The following BTBD10 variants were observed in gnomAD, a reference collection of about 807,000 sequenced individuals.
BTBD10 encodes BTB domain containing 10.
Under a neutral mutation model 53.2 loss-of-function variants are expected in BTBD10, and 21 were observed. That is an observed-to-expected ratio of 0.39 (90% CI 0.28 to 0.57). The LOEUF is 0.57. Among genes scored for constraint, BTBD10 ranks in the 20% least tolerant of loss-of-function variants. The pLI is 0.53. For synonymous variants in BTBD10, 149 were observed against 192.7 expected, an observed-to-expected ratio of 0.77 and a Z score of 1.88; for missense variants, 360 against 594.7, an observed-to-expected ratio of 0.61 and a Z score of 4.10.
At chr11:13,413,681 A>C (rs749161845) in intron 5 of BTBD10, 31 bp from the exon 6 acceptor site, 1 of 1,595,580 alleles carries the variant, frequency 6.3e-7, no homozygotes, top group African/African-American at 1.3e-5. Context: ...AAAGCATAAA[A>C]TATCTGGAGC....
At chr11:13,435,033 T>C (rs907076182) in intron 2 of BTBD10, among the ~76,000 whole-genome samples, 1 of 152,238 alleles carries the variant, frequency 6.6e-6, no homozygotes, top group Non-Finnish European at 1.5e-5. Flanking sequence ...AGATGCTTAT[T>C]ACACATCTGT....
chr11:13,427,512 A>G (rs1950363842), intron 2 of BTBD10, among the ~76,000 whole-genome samples: 1 of 152,188 alleles, frequency 6.6e-6, no homozygotes, highest in Admixed American at 6.5e-5. Context: ...AGAACTAGAC[A>G]ATTCCACAAT....
intron 2 of BTBD10, among the ~76,000 whole-genome samples, chr11:13,425,919 T>C (rs1294185069): frequency 6.6e-6 from 1 of 152,042 alleles, no homozygotes; most frequent in Non-Finnish European, 1.5e-5. Flanking sequence ...ATGGAATTAA[T>C]GGGAGATTAC....
At chr11:13,417,456 G>A (rs1347635780) in intron 4 of BTBD10, among the ~76,000 whole-genome samples, 196 bp from the exon 5 acceptor site, 3 of 152,144 alleles carry the variant, frequency 2.0e-5, no homozygotes, top group Non-Finnish European at 4.4e-5. Context: ...GGGAACACTA[G>A]TATAGATTTC....
chr11:13,411,596 TA>T (rs933183945), intron 6 of BTBD10, among the ~76,000 whole-genome samples: 26 of 152,286 alleles, frequency 1.7e-4, no homozygotes, highest in African/African-American at 5.8e-4. Context: ...ATAAAACCCT[TA>T]CTTTTAATCT....
chr11:13,440,647 G>A (rs1200181003), intron 2 of BTBD10, among the ~76,000 whole-genome samples: 1 of 152,124 alleles, frequency 6.6e-6, no homozygotes, highest in Non-Finnish European at 1.5e-5. Context: ...AGGGAAACTG[G>A]AATGTTCAGA....
At chr11:13,423,857 A>AC (rs1950288020) in intron 2 of BTBD10, among the ~76,000 whole-genome samples, 3 of 152,132 alleles carry the variant, frequency 2.0e-5, no homozygotes, top group South Asian at 4.1e-4. Context: ...AATAAAGGCA[A>AC]CCTAACAGCC....
At chr11:13,406,615 CAGTGTG>C (rs1018432025) in intron 6 of BTBD10, among the ~76,000 whole-genome samples, 2 of 64,588 alleles carry the variant, frequency 3.1e-5, no homozygotes, top group African/African-American at 4.4e-5. Flanking sequence ...GAGAGAGAGA[CAGTGTG>C]TGTGTGTGTG....
At chr11:13,427,762 T>A (rs1380519324) in intron 2 of BTBD10, among the ~76,000 whole-genome samples, 1 of 152,160 alleles carries the variant, frequency 6.6e-6, no homozygotes, top group Non-Finnish European at 1.5e-5. Context: ...AAGAATTTAA[T>A]CATACAAAGT....
intron 1 of BTBD10, among the ~76,000 whole-genome samples, chr11:13,454,416 T>A (rs1276986000): frequency 6.6e-6 from 1 of 152,238 alleles, no homozygotes; most frequent in Non-Finnish European, 1.5e-5. Flanking sequence ...ATGTGCCTAT[T>A]TAAATCTCAC....
intron 5 of BTBD10, among the ~76,000 whole-genome samples, chr11:13,416,471 A>C (rs1012531093): frequency 6.6e-6 from 1 of 152,226 alleles, no homozygotes; most frequent in Non-Finnish European, 1.5e-5. Context: ...AGTTATGTGC[A>C]ATAAAATAAT....
chr11:13,438,733 CTA>C (rs1390692026), intron 2 of BTBD10, among the ~76,000 whole-genome samples: 1 of 151,614 alleles, frequency 6.6e-6, no homozygotes, highest in Non-Finnish European at 1.5e-5. Context: ...TCATTTTCTT[CTA>C]TATGTTTTTC....
intron 2 of BTBD10, among the ~76,000 whole-genome samples, chr11:13,432,292 G>GTTAC (rs1591147192): frequency 6.6e-6 from 1 of 152,118 alleles, no homozygotes; most frequent in East Asian, 1.9e-4. Flanking sequence ...TGTGGTGGGA[G>GTTAC]TTACATGAAT....
chr11:13,395,295 G>C (rs1428976112), intron 8 of BTBD10, among the ~76,000 whole-genome samples: 3 of 152,170 alleles, frequency 2.0e-5, no homozygotes, highest in Non-Finnish European at 4.4e-5. Flanking sequence ...GATGGCCAGT[G>C]ATGATGAGCT....
intron 2 of BTBD10, among the ~76,000 whole-genome samples, chr11:13,422,227 C>T (rs1174507507): frequency 6.6e-6 from 1 of 152,128 alleles, no homozygotes; most frequent in Non-Finnish European, 1.5e-5. Flanking sequence ...TCTTAAAAAA[C>T]TGAGGAATGG....
At chr11:13,455,757 A>G (rs1950952942) in intron 1 of BTBD10, among the ~76,000 whole-genome samples, 1 of 152,210 alleles carries the variant, frequency 6.6e-6, no homozygotes, top group Admixed American at 6.5e-5. Context: ...CCTAAGAAGC[A>G]ACACCCTTTA....
chr11:13,460,794 T>C (rs1236094690), intron 1 of BTBD10, among the ~76,000 whole-genome samples: 1 of 152,216 alleles, frequency 6.6e-6, no homozygotes, highest in Non-Finnish European at 1.5e-5. Flanking sequence ...CAATGTGGGA[T>C]AGCACAGCAA....
chr11:13,411,978 T>C (rs773156262), intron 6 of BTBD10, among the ~76,000 whole-genome samples: 2 of 152,002 alleles, frequency 1.3e-5, no homozygotes, highest in East Asian at 3.9e-4. Flanking sequence ...ATTACAGGCA[T>C]GCACCACCAC....
At chr11:13,390,658 A>G (rs1326548662) in intron 8 of BTBD10, among the ~76,000 whole-genome samples, 1 of 152,130 alleles carries the variant, frequency 6.6e-6, no homozygotes, top group Non-Finnish European at 1.5e-5. Flanking sequence ...TTTCAATAAA[A>G]CTTTATAAAA....
Sources: allele counts gnomAD v4.1 joint callset (sites outside exome capture counted in the v4.1 genomes callset), GRCh38; gene constraint gnomAD v4.1.1; transcripts MANE v1.5; gene names NCBI Gene and HGNC (gene_info 2026-07-23, HGNC 2026-07-21).